EIF4E2: variants seen among roughly 807,000 people sequenced by gnomAD.
EIF4E2 encodes the protein eukaryotic translation initiation factor 4E type 2.
Under a neutral mutation model 34.2 loss-of-function variants are expected in EIF4E2, and 13 were observed. The observed-to-expected ratio is 0.38, with a 90% CI of 0.25 to 0.60. The LOEUF is 0.60. Ranked by LOEUF, EIF4E2 falls within the 20% of genes least tolerant of loss-of-function variation. The pLI is 0.62. For synonymous variants in EIF4E2, 100 were observed against 106.6 expected (o/e 0.94, Z 0.38); for missense variants, 222 against 315.1 (o/e 0.70, Z 2.24).
At chr2:232,578,017 C>T (rs1693262411) in intron 6 of EIF4E2, among the ~76,000 whole-genome samples, 1 of 152,194 alleles carries the variant, frequency 6.6e-6, no homozygotes, top group Admixed American at 6.5e-5. Flanking sequence ...TGGAGTATCA[C>T]TTCCCAGCTG....
chr2:232,551,187 C>T (rs553029763), intron 1 of EIF4E2: 65 of 494,094 alleles, frequency 1.3e-4, no homozygotes, highest in South Asian at 1.0e-3. Context: ...ACGGTAACAC[C>T]CTTTGTCGTA....
rs1692836160 is a variant in EIF4E2 at position 232,564,292 on chromosome 2, G to C, written c.316G>C (p.Asp106His). 1 of 1,598,910 alleles carries C rather than the reference G, an allele frequency of 6.3e-7. No homozygotes were observed. The highest frequency in any genetic ancestry group is 1.1e-5 in the South Asian group (1 of 88,166). ...RFYSHMVRPGDLTGHSDFHLF... is the reference protein window; with the variant it reads ...RFYSHMVRPGHLTGHSDFHLF... ...TTATAGCCACATGGTACGTCCTGGG[G>C]ACCTGACAGGCCACAGTGACTTCCA... Residue 106 changes from aspartate (D) to histidine (H), a missense_variant, in exon 4 of 7, where the codon GAC becomes CAC. Around this residue, in one of 3 missense-constraint regions of EIF4E2, gnomAD observed 105 missense variants for 195.1 expected, o/e 0.54. Coordinates refer to ENST00000258416, the MANE Select transcript of EIF4E2 (RefSeq NM_004846.4).
chr2:232,559,864 A>G (rs1692662250), intron 3 of EIF4E2, among the ~76,000 whole-genome samples: 1 of 148,604 alleles, frequency 6.7e-6, no homozygotes, highest in Non-Finnish European at 1.5e-5. Context: ...GTTGGCATGC[A>G]CCTGTGGTCC....
intron 6 of EIF4E2, among the ~76,000 whole-genome samples, chr2:232,577,733 C>CT (rs922502158): frequency 2.0e-5 from 3 of 151,656 alleles, no homozygotes; most frequent in Non-Finnish European, 1.5e-5. Flanking sequence ...AGAAATAATT[C>CT]TTTTTTTTTC....
In EIF4E2 at chr2:232,578,777, C is replaced by T. The variant is rs531905053; in HGVS notation, c.666-2127C>T. On this transcript the variant is annotated intron_variant, in intron 6 of 6. Coordinates refer to the EIF4E2 transcript ENST00000409098. ...TATGGTAATGATTACCCTGAAAATC[C>T]TTTTTCCGTCACTAAACAGCTGAAA... Among the ~76,000 whole-genome samples, 3 of 152,208 alleles carry T rather than the reference C, an allele frequency of 2.0e-5. No individual in the cohort carries two copies. In the East Asian group the frequency reaches 5.8e-4, roughly 29 times the overall value.
chr2:232,569,051 G>A lies in EIF4E2; in HGVS notation c.*34G>A. 1 of 1,611,680 alleles carries A rather than the reference G, an allele frequency of 6.2e-7. No individual in the cohort carries two copies. The highest frequency in any genetic ancestry group is 8.5e-7 in the Non-Finnish European group (1 of 1,178,996). The stretch of plus-strand genomic sequence containing the variant: ...CTCTCTGGATGGCACCATCATTGAA[G>A]CTGGCGTCATCGGAGTCTCTTGTTC... On this transcript the variant is annotated 3_prime_UTR_variant, in exon 7 of 7. Transcript: ENST00000258416.
intron 6 of EIF4E2, among the ~76,000 whole-genome samples, chr2:232,579,196 G>GATC: frequency 6.6e-6 from 1 of 150,552 alleles, no homozygotes; most frequent in South Asian, 2.1e-4. Context: ...TCTGTGTTAT[G>GATC]ATCAGATATG....
downstream of EIF4E2, among the ~76,000 whole-genome samples, chr2:232,569,541 AT>A (rs1388717426): frequency 6.6e-6 from 1 of 152,112 alleles, no homozygotes; most frequent in Non-Finnish European, 1.5e-5. Context: ...GGAAAGGGGG[AT>A]CCTTGGCCTT....
chr2:232,565,293 G>A (rs111611606), intron 4 of EIF4E2, among the ~76,000 whole-genome samples: 50 of 152,138 alleles, frequency 3.3e-4, no homozygotes, highest in African/African-American at 1.1e-3. Flanking sequence ...CCCAGTGCCC[G>A]CAGTGCCCTT....
chr2:232,557,324 G>A lies in EIF4E2; in HGVS notation c.136-560G>A, dbSNP rs201161570. ...TTGAGTAACCCTCCAAGGGTTACTA[G>A]CATTTTATGCTAGATGCTAAGAGGA... On this transcript the variant is annotated intron_variant, in intron 2 of 6. Transcript: ENST00000258416. Among the ~76,000 whole-genome samples, 70 of 151,778 alleles carry A rather than the reference G, an allele frequency of 4.6e-4. 4 individuals carry two copies. The highest frequency in any genetic ancestry group is 5.9e-5 in the Non-Finnish European group (4 of 67,886).
At chr2:232,561,117 G>T (rs999567275) in intron 3 of EIF4E2, among the ~76,000 whole-genome samples, 1 of 152,130 alleles carries the variant, frequency 6.6e-6, no homozygotes, top group African/African-American at 2.4e-5. Flanking sequence ...TACTGCCTTG[G>T]AAGAGATGGG....
chr2:232,556,246 G>A (rs954573683), intron 1 of EIF4E2, among the ~76,000 whole-genome samples, 170 bp from the exon 2 acceptor site: 5 of 152,166 alleles, frequency 3.3e-5, no homozygotes, highest in African/African-American at 1.2e-4. Context: ...TTTCGTTTTT[G>A]TTTAATCCTA....
At chr2:232,574,572 C>T (rs916037263) in intron 6 of EIF4E2, among the ~76,000 whole-genome samples, 1 of 152,180 alleles carries the variant, frequency 6.6e-6, no homozygotes, top group African/African-American at 2.4e-5. Context: ...AAATGAGGCT[C>T]CATGGATGAA....
At chr2:232,573,990 T>C (rs2106254473), downstream of EIF4E2, 1 of 643,910 alleles carries the variant, frequency 1.6e-6, no homozygotes, top group South Asian at 1.6e-5. Context: ...TGGAGCCTTG[T>C]TGAAGGAACA....
downstream of EIF4E2, among the ~76,000 whole-genome samples, chr2:232,571,423 A>G (rs1693088344): frequency 6.6e-6 from 1 of 152,242 alleles, no homozygotes; most frequent in Non-Finnish European, 1.5e-5. Flanking sequence ...CTCATAATAC[A>G]GTCAGAATCG....
intron 2 of EIF4E2, 23 bp from the exon 3 acceptor site, chr2:232,557,861 A>G (rs754298867): frequency 6.2e-7 from 1 of 1,611,288 alleles, no homozygotes; most frequent in Non-Finnish European, 8.5e-7. Flanking sequence ...GCCCAGGACT[A>G]ACACACCTTC....
At chr2:232,571,194 A>C (rs953214109), downstream of EIF4E2, among the ~76,000 whole-genome samples, 1 of 152,102 alleles carries the variant, frequency 6.6e-6, no homozygotes, top group African/African-American at 2.4e-5. Context: ...TCAGTGTGCT[A>C]CAAGGCACTG....
intron 3 of EIF4E2, among the ~76,000 whole-genome samples, chr2:232,561,719 A>G (rs985978765): frequency 6.6e-6 from 1 of 152,224 alleles, no homozygotes; most frequent in Non-Finnish European, 1.5e-5. Context: ...TGGAAAGAGC[A>G]CTAGACTTGG....
chr2:232,552,514 A>T (rs1357400203), intron 1 of EIF4E2, among the ~76,000 whole-genome samples: 2 of 152,118 alleles, frequency 1.3e-5, no homozygotes, highest in East Asian at 3.9e-4. Flanking sequence ...CCAGCCTCAT[A>T]TGTTATTTCT....
Sources: allele counts gnomAD v4.1 joint callset (sites outside exome capture counted in the v4.1 genomes callset), GRCh38; gene constraint gnomAD v4.1.1; regional missense constraint gnomAD v4.1.1; transcripts MANE v1.5; gene names NCBI Gene and HGNC (gene_info 2026-07-23, HGNC 2026-07-21).